Variants in B3GALT5 observed in about 807,000 individuals in gnomAD.
B3GALT5 encodes UDP-Gal:betaGlcNAc beta 1,3-galactosyltransferase, polypeptide 5.
For missense variants in B3GALT5, 328 were observed against 396.6 expected (o/e 0.83, Z 1.47); for synonymous variants, 156 against 158.6 (o/e 0.98, Z 0.12).
chr21:39,628,263 A>G lies in B3GALT5; in HGVS notation c.-392+15196A>G, dbSNP rs188836937. On this transcript the variant is annotated intron_variant, in intron 1 of 3. Transcript: ENST00000684187. ...ACATAAAAATGTAATCTCTTTTTAA[A>G]GTTTATCTAAACTTACGGGGTACAC... 1.4e-3 allele frequency among the ~76,000 whole-genome samples: 220 copies of G among 152,338 alleles called. 5 individuals are homozygous for G. The Middle Eastern group carries it at 0.034, about 24-fold the overall frequency.
At chr21:39,643,051 CAA>C (rs34633544) in intron 1 of B3GALT5, among the ~76,000 whole-genome samples, 1 of 142,438 alleles carries the variant, frequency 7.0e-6, no homozygotes, top group Non-Finnish European at 1.5e-5. Flanking sequence ...GAACTTGTCT[CAA>C]AAAAAAAAAA....
chr21:39,651,642 G>C (rs187772008), intron 2 of B3GALT5, among the ~76,000 whole-genome samples: 99 of 152,300 alleles, frequency 6.5e-4, no homozygotes, highest in African/African-American at 2.3e-3. Flanking sequence ...TTTTTGGGAG[G>C]AGGCCCTCAC....
chr21:39,639,687 T>A (rs1352394829), intron 1 of B3GALT5, among the ~76,000 whole-genome samples: 1 of 151,300 alleles, frequency 6.6e-6, no homozygotes, highest in Non-Finnish European at 1.5e-5. Context: ...ACCATATTGG[T>A]CAGGCTGGTC....
chr21:39,641,351 A>G (rs2079288375), intron 1 of B3GALT5, among the ~76,000 whole-genome samples: 1 of 152,224 alleles, frequency 6.6e-6, no homozygotes, highest in Admixed American at 6.5e-5. Flanking sequence ...GTCTCTTTAA[A>G]GCATTAAAAT....
At position 39,613,082 on chromosome 21, in the gene B3GALT5, T is replaced by TGGGGCGCGGGGCGC. The variant is rs550473133; in HGVS notation, c.-392+20_-392+33dup. On this transcript the variant is annotated intron_variant, in intron 1 of 3. Coordinates refer to ENST00000684187, the MANE Select transcript of B3GALT5 (RefSeq NM_001356336.2). ...CCCCGCGCACGGTAAGGCCCGGGGC[T>TGGGGCGCGGGGCGC]GGGGCGCGGGGCGCGGGGAGCGCTG... 177 of 148,628 alleles carry TGGGGCGCGGGGCGC rather than the reference T, an allele frequency of 1.2e-3. 2 individuals carry two copies. The East Asian group carries it at 0.015, about 13-fold the overall frequency. The allele number at this position is 148,628 out of a possible 1,614,324, so 9.2% of individuals were successfully genotyped here. A position where few individuals can be genotyped will look rare whatever the true frequency, so the allele number is the denominator to read the frequency against.
intron 1 of B3GALT5, among the ~76,000 whole-genome samples, chr21:39,622,316 AT>A (rs1295445271): frequency 6.6e-6 from 1 of 152,006 alleles, no homozygotes; most frequent in Non-Finnish European, 1.5e-5. Flanking sequence ...ATTATTACTA[AT>A]TTTTGTTCTA....
chr21:39,663,965 G>C lies in B3GALT5; in HGVS notation c.*2473G>C, dbSNP rs2079554241. The stretch of plus-strand genomic sequence containing the variant: ...GAGAGGTCCAGGTTGGCCGGGCCGG[G>C]GCTTCACCGCAGGCACCCAGAGAGG... On this transcript the variant is annotated 3_prime_UTR_variant, in exon 4 of 4. Transcript: ENST00000684187. The C allele has an allele frequency of 6.6e-6, 1 of 152,524 alleles. No homozygotes were observed. The highest frequency in any genetic ancestry group is 2.4e-5 in the African/African-American group (1 of 41,452). 9.4% of individuals were successfully genotyped at this position (152,524 alleles called of 1,614,324 possible).
At chr21:39,656,526 G>C (rs2079446309) in intron 2 of B3GALT5, among the ~76,000 whole-genome samples, 1 of 152,188 alleles carries the variant, frequency 6.6e-6, no homozygotes, top group Admixed American at 6.5e-5. Flanking sequence ...CTTGAGCTGA[G>C]TGCTTTGTCC....
intron 2 of B3GALT5, among the ~76,000 whole-genome samples, chr21:39,659,033 G>A (rs904511846): frequency 6.6e-6 from 1 of 152,196 alleles, no homozygotes; most frequent in Non-Finnish European, 1.5e-5. Context: ...GTGAGCCCAG[G>A]AGTTTGAGAC....
Position 39,664,000 on chromosome 21 carries a change from G to C in B3GALT5, c.*2508G>C, listed in dbSNP as rs186672005. 2.6e-5 allele frequency: 4 copies of C among 152,620 alleles called. No homozygotes were observed. The East Asian group carries it at 7.7e-4, about 29-fold the overall frequency. The allele number at this position is 152,620 out of a possible 1,614,324, so 9.5% of individuals were successfully genotyped here. On this transcript the variant is annotated 3_prime_UTR_variant, in exon 4 of 4. Coordinates refer to ENST00000684187, the MANE Select transcript of B3GALT5 (RefSeq NM_001356336.2). ...CAGGCACCCAGAGAGGAAGGATTCC[G>C]ATGGGCAGGTGCTGAGCTAGGGGCT...
intron 1 of B3GALT5, among the ~76,000 whole-genome samples, chr21:39,628,559 C>T (rs1169194092): frequency 1.3e-5 from 2 of 152,226 alleles, no homozygotes; most frequent in Non-Finnish European, 2.9e-5. Flanking sequence ...GAGGACGTTT[C>T]GACCTTTGTC....
At position 39,672,752 on chromosome 21, in the gene B3GALT5, T is replaced by G. The variant is rs1298472178; in HGVS notation, c.*11260T>G. 6.6e-6 allele frequency: 1 copy of G among 152,218 alleles called. No individual in the cohort carries two copies. The highest frequency in any genetic ancestry group is 2.4e-5 in the African/African-American group (1 of 41,456). The allele number at this position is 152,218 out of a possible 1,614,324, so 9.4% of individuals were successfully genotyped here. On this transcript the variant is annotated 3_prime_UTR_variant, in exon 4 of 4. Coordinates refer to ENST00000684187, the MANE Select transcript of B3GALT5 (RefSeq NM_001356336.2). ...TGGAAAAATATTTTTACAATTTATT[T>G]TGATTTTATATGTGTAGAAAAATGT...
chr21:39,659,519 T>C (rs2079487555), intron 2 of B3GALT5, among the ~76,000 whole-genome samples: 1 of 152,200 alleles, frequency 6.6e-6, no homozygotes. Flanking sequence ...CTATCCTAAC[T>C]TATTAGGCTT....
At chr21:39,645,946 C>T (rs575765289) in intron 1 of B3GALT5, among the ~76,000 whole-genome samples, 2 of 150,892 alleles carry the variant, frequency 1.3e-5, no homozygotes, top group South Asian at 2.2e-4. Flanking sequence ...ACACTGATCC[C>T]GCAGCCGCCC....
At chr21:39,619,621 A>G (rs1389202196) in intron 1 of B3GALT5, among the ~76,000 whole-genome samples, 1 of 151,638 alleles carries the variant, frequency 6.6e-6, no homozygotes, top group Non-Finnish European at 1.5e-5. Context: ...TCTGAGGTTC[A>G]GTTGTCAAGT....
chr21:39,644,659 G>A (rs1376530111), intron 1 of B3GALT5, among the ~76,000 whole-genome samples: 1 of 152,184 alleles, frequency 6.6e-6, no homozygotes, highest in Non-Finnish European at 1.5e-5. Context: ...TTGTGTTCTT[G>A]TTATGCACAA....
chr21:39,655,565 C>T (rs1291323438), intron 2 of B3GALT5, among the ~76,000 whole-genome samples: 1 of 152,160 alleles, frequency 6.6e-6, no homozygotes, highest in Non-Finnish European at 1.5e-5. Flanking sequence ...TTGGGAGATT[C>T]TCTCTGCTTG....
At chr21:39,624,648 G>C (rs1372178814) in intron 1 of B3GALT5, among the ~76,000 whole-genome samples, 1 of 152,174 alleles carries the variant, frequency 6.6e-6, no homozygotes, top group Non-Finnish European at 1.5e-5. Flanking sequence ...TGGAAGGATG[G>C]TGGTGGACAT....
At chr21:39,639,694 G>C (rs2079274780) in intron 1 of B3GALT5, among the ~76,000 whole-genome samples, 1 of 151,712 alleles carries the variant, frequency 6.6e-6, no homozygotes. Flanking sequence ...TGGTCAGGCT[G>C]GTCTTGAACT....
Sources: allele counts gnomAD v4.1 joint callset (sites outside exome capture counted in the v4.1 genomes callset), GRCh38; gene constraint gnomAD v4.1.1; transcripts MANE v1.5; gene names NCBI Gene and HGNC (gene_info 2026-07-23, HGNC 2026-07-21).